The following KAZN variants were observed in gnomAD, a reference collection of about 807,000 sequenced individuals.
KAZN encodes kazrin, periplakin interacting protein, also known as kazrin.
A neutral mutation model predicts 87.4 loss-of-function variants in KAZN; 40 were observed. The ratio of observed to expected loss-of-function variants is 0.46; its 90% CI spans 0.36 to 0.60. The LOEUF (loss-of-function observed/expected upper bound fraction) is 0.60, where lower values mean the gene tolerates loss of function less well. Among genes scored for constraint, KAZN ranks in the 20% least tolerant of loss-of-function variants. The probability of loss-of-function intolerance (pLI) is 0.00; values close to 1 mark genes in which losing one functional copy is unlikely to be tolerated. For synonymous variants in KAZN, 466 were observed against 458.3 expected, an observed-to-expected ratio of 1.02 and a Z score of -0.22; for missense variants, 898 against 1,073.9, an observed-to-expected ratio of 0.84 and a Z score of 2.29.
chr1:15,030,794 G>T (rs908744284), intron 2 of KAZN, among the ~76,000 whole-genome samples: 2 of 152,222 alleles, frequency 1.3e-5, no homozygotes, highest in South Asian at 2.1e-4. Flanking sequence ...TGGAATTCCG[G>T]CCCTGGTGAC....
chr1:14,930,799 T>C (rs1311472193), intron 1 of KAZN, among the ~76,000 whole-genome samples: 1 of 150,166 alleles, frequency 6.7e-6, no homozygotes, highest in East Asian at 1.9e-4. Context: ...AGGACTTTTC[T>C]TCCTGGCACC....
chr1:14,024,089 A>G (rs1640966712), intron 1 of KAZN, among the ~76,000 whole-genome samples: 1 of 152,220 alleles, frequency 6.6e-6, no homozygotes, highest in Non-Finnish European at 1.5e-5. Context: ...TGTGACAAGG[A>G]GAAAGCATGT....
chr1:14,311,899 A>G (rs1655332261), intron 2 of KAZN, among the ~76,000 whole-genome samples: 1 of 152,164 alleles, frequency 6.6e-6, no homozygotes, highest in Non-Finnish European at 1.5e-5. Flanking sequence ...CAGCAGGGGA[A>G]GTATGCTAGG....
intron 1 of KAZN, among the ~76,000 whole-genome samples, chr1:14,163,705 C>T (rs979380040): frequency 2.0e-5 from 3 of 152,202 alleles, no homozygotes; most frequent in Admixed American, 6.5e-5. Context: ...TCACCATCAC[C>T]TGATGGTTGC....
intron 2 of KAZN, among the ~76,000 whole-genome samples, chr1:14,190,916 CACA>C: frequency 6.6e-6 from 1 of 152,122 alleles, no homozygotes; most frequent in Non-Finnish European, 1.5e-5. Flanking sequence ...AGCTAGCTGA[CACA>C]ATTGCATATC....
intron 1 of KAZN, among the ~76,000 whole-genome samples, chr1:14,069,610 A>T (rs982129875): frequency 2.0e-5 from 3 of 152,182 alleles, no homozygotes; most frequent in Non-Finnish European, 4.4e-5. Context: ...CACAGACCTA[A>T]TTGCCACCAA....
intron 1 of KAZN, among the ~76,000 whole-genome samples, chr1:13,978,129 C>CAAAAAAAA (rs35828417): frequency 2.4e-5 from 2 of 82,126 alleles, no homozygotes; most frequent in Non-Finnish European, 4.3e-5. Flanking sequence ...CTCCATCTCA[C>CAAAAAAAA]AAAAAAAAAA....
upstream of KAZN, among the ~76,000 whole-genome samples, chr1:14,594,095 A>C (rs1419457573): frequency 6.6e-6 from 1 of 152,210 alleles, no homozygotes; most frequent in Non-Finnish European, 1.5e-5. Flanking sequence ...GCGTCATTCA[A>C]TCATAGAGTA....
chr1:14,500,980 G>A (rs1423247544), intron 2 of KAZN, among the ~76,000 whole-genome samples: 1 of 151,658 alleles, frequency 6.6e-6, no homozygotes, highest in African/African-American at 2.4e-5. Flanking sequence ...GAAAAGCCCA[G>A]GCCCAAATGG....
intron 1 of KAZN, among the ~76,000 whole-genome samples, chr1:14,154,785 A>G (rs1366998318): frequency 6.6e-6 from 1 of 152,190 alleles, no homozygotes; most frequent in African/African-American, 2.4e-5. Flanking sequence ...TGGTGACATT[A>G]TGCATCATAT....
intron 1 of KAZN, among the ~76,000 whole-genome samples, chr1:14,625,846 T>C (rs1679101271): frequency 6.6e-6 from 1 of 152,214 alleles, no homozygotes. Flanking sequence ...TTGTGGGAAG[T>C]GGTAGTCATT....
At chr1:14,491,373 T>C (rs909945494) in intron 2 of KAZN, among the ~76,000 whole-genome samples, 1 of 152,212 alleles carries the variant, frequency 6.6e-6, no homozygotes, top group Non-Finnish European at 1.5e-5. Flanking sequence ...TACGTAGGTA[T>C]AGACGTGCCA....
intron 1 of KAZN, among the ~76,000 whole-genome samples, chr1:13,966,908 A>G (rs1476379339): frequency 6.6e-6 from 1 of 152,184 alleles, no homozygotes; most frequent in African/African-American, 2.4e-5. Flanking sequence ...TAAAAATTAC[A>G]TATATGGTTT....
chr1:14,167,194 G>C (rs1401591676), intron 1 of KAZN, among the ~76,000 whole-genome samples: 2 of 152,210 alleles, frequency 1.3e-5, no homozygotes, highest in Non-Finnish European at 2.9e-5. Flanking sequence ...TTATCGTCAA[G>C]GTCAGGGGAC....
chr1:14,716,754 G>A (rs1642818340), intron 1 of KAZN, among the ~76,000 whole-genome samples: 2 of 152,254 alleles, frequency 1.3e-5, no homozygotes, highest in South Asian at 2.1e-4. Flanking sequence ...CTAGGGCCCT[G>A]CTCTGCAAAC....
At chr1:14,792,101 G>A (rs1645692547) in intron 1 of KAZN, among the ~76,000 whole-genome samples, 1 of 152,216 alleles carries the variant, frequency 6.6e-6, no homozygotes, top group Non-Finnish European at 1.5e-5. Context: ...TCAGATGGAA[G>A]ACTTGAATCA....
chr1:14,557,629 G>GGTGTGTGTGTGTGTGT (rs59563758), intron 2 of KAZN, among the ~76,000 whole-genome samples: 1 of 137,880 alleles, frequency 7.3e-6, no homozygotes, highest in African/African-American at 2.7e-5. Context: ...GGTGTGTGTG[G>GGTGTGTGTGTGTGTGT]GTGTGTGTGT....
At chr1:14,925,306 T>A (rs1454170829) in intron 1 of KAZN, among the ~76,000 whole-genome samples, 2 of 151,896 alleles carry the variant, frequency 1.3e-5, no homozygotes, top group Non-Finnish European at 2.9e-5. Flanking sequence ...TTGACTGGAG[T>A]AGGAAGAAAC....
At chr1:13,909,487 C>T (rs1327678516) in intron 1 of KAZN, among the ~76,000 whole-genome samples, 1 of 152,076 alleles carries the variant, frequency 6.6e-6, no homozygotes, top group Non-Finnish European at 1.5e-5. Context: ...GGGAATCTGC[C>T]TGGATATGTT....
Sources: allele counts gnomAD v4.1 joint callset (sites outside exome capture counted in the v4.1 genomes callset), GRCh38; gene constraint gnomAD v4.1.1; transcripts MANE v1.5; gene names NCBI Gene and HGNC (gene_info 2026-07-23, HGNC 2026-07-21).